The following SDK2 variants were observed in gnomAD, a reference collection of about 807,000 sequenced individuals.
SDK2 encodes sidekick cell adhesion molecule 2, also known as protein sidekick-2.
In SDK2, 105 loss-of-function variants were observed where a neutral mutation model predicts 253.9. The observed-to-expected ratio is 0.41, with a 90% CI of 0.35 to 0.49. The LOEUF is 0.49. Ranked by LOEUF, SDK2 falls within the 20% of genes least tolerant of loss-of-function variation. The pLI is 0.06. For missense variants in SDK2, 2,608 were observed against 3,003.0 expected (o/e 0.87, Z 3.07); for synonymous variants, 1,249 against 1,234.9 (o/e 1.01, Z -0.24).
chr17:73,358,214 G>C lies in SDK2; in HGVS notation c.5468-10C>G, dbSNP rs1568364459. The C allele has an allele frequency of 1.9e-6, 3 of 1,591,970 alleles. No homozygotes were observed. The highest frequency in any genetic ancestry group is 2.6e-6 in the Non-Finnish European group (3 of 1,173,834). On this transcript the variant is annotated splice_polypyrimidine_tract_variant and intron_variant, in intron 39 of 44. Coordinates refer to ENST00000392650, the MANE Select transcript of SDK2 (RefSeq NM_001144952.2). ...GGCGGTCCTGGGGCACCTGCAGACA[G>C]CACACAGAGGCGAGGGATGTATGGA... is the stretch of plus-strand genomic sequence containing the variant.
Position 73,411,404 on chromosome 17 carries a change from C to T in SDK2, c.2484+3240G>A, listed in dbSNP as rs146213946. On this transcript the variant is annotated intron_variant, in intron 18 of 44. Coordinates refer to ENST00000392650, the MANE Select transcript of SDK2 (RefSeq NM_001144952.2). ...CAGTGCAGAGGGGTGCAGGAACCTT[C>T]GGGATGTGTCAGTGGTCACCTCGAG... 5.9e-4 allele frequency among the ~76,000 whole-genome samples: 90 copies of T among 152,260 alleles called. 1 individual carries two copies. The East Asian group carries it at 0.015, about 26-fold the overall frequency.
At position 73,618,888 on chromosome 17, in the gene SDK2, TG is replaced by T. The variant is rs1325929363; in HGVS notation, c.64+25136del. ...ACACCAAAAAAGCAACTATTAGGGC[TG>T]GGTGTGGTGGCTCATGCCTGTAATC... On this transcript the variant is annotated intron_variant, in intron 1 of 44. Coordinates refer to ENST00000392650, the MANE Select transcript of SDK2 (RefSeq NM_001144952.2). The surrounding 1 kb of genome is among the most constrained non-coding windows in gnomAD (Gnocchi z 4.1). Among the ~76,000 whole-genome samples, 2 of 151,948 alleles carry T rather than the reference TG, an allele frequency of 1.3e-5. No individual in the cohort carries two copies. Among genetic ancestry groups the T allele is most frequent in the Non-Finnish European group, 2.9e-5 (2 of 67,954 alleles).
At chr17:73,583,688 A>G (rs1253855554) in intron 1 of SDK2, among the ~76,000 whole-genome samples, 1 of 118,762 alleles carries the variant, frequency 8.4e-6, no homozygotes, top group Admixed American at 8.1e-5. Context: ...TGGAGGGAAG[A>G]TGCAGGGCCA....
intron 1 of SDK2, among the ~76,000 whole-genome samples, chr17:73,548,077 C>T (rs780757765): frequency 2.6e-5 from 4 of 152,218 alleles, no homozygotes; most frequent in Non-Finnish European, 5.9e-5. Flanking sequence ...AATCACCTCC[C>T]ACCAGGCCCC....
chr17:73,491,680 T>C (rs1346633311), intron 2 of SDK2, among the ~76,000 whole-genome samples: 1 of 152,242 alleles, frequency 6.6e-6, no homozygotes, highest in Non-Finnish European at 1.5e-5. Context: ...CCAGATTCAA[T>C]CCCACCAGCT....
chr17:73,379,502 CG>C lies in SDK2; in HGVS notation c.4809del (p.Asn1603LysfsTer40). 1 of 1,612,522 alleles carries C rather than the reference CG, an allele frequency of 6.2e-7. No homozygotes were observed. Among genetic ancestry groups the C allele is most frequent in the Non-Finnish European group, 8.5e-7 (1 of 1,179,356 alleles). The part of the protein sequence containing the change: ...RRYEIRMSVY[N>X]AVGEGPSSPP... ...GGGCTGGAGGGCCCCTCACCCACAG[CG>C]TTGTACACGCTCATCCGTATCTCGT... On this transcript the variant is annotated frameshift_variant, in exon 35 of 45. Coordinates refer to ENST00000392650, the MANE Select transcript of SDK2 (RefSeq NM_001144952.2). LOFTEE classifies it high-confidence loss of function. The surrounding 1 kb of genome is among the most constrained non-coding windows in gnomAD (Gnocchi z 4.5).
chr17:73,525,585 C>T (rs180845647), intron 1 of SDK2, among the ~76,000 whole-genome samples: 9 of 152,234 alleles, frequency 5.9e-5, no homozygotes, highest in South Asian at 2.1e-4. Context: ...CTGTGGGAGG[C>T]GGCGAGGTGG....
intron 1 of SDK2, among the ~76,000 whole-genome samples, chr17:73,514,439 G>A (rs1012857972): frequency 1.3e-5 from 2 of 152,164 alleles, no homozygotes; most frequent in Non-Finnish European, 2.9e-5. Flanking sequence ...GCAAAATAAT[G>A]TCATCTTTCT....
chr17:73,523,855 C>T (rs757453760), intron 1 of SDK2, among the ~76,000 whole-genome samples: 4 of 152,072 alleles, frequency 2.6e-5, no homozygotes, highest in Non-Finnish European at 5.9e-5. Flanking sequence ...AGAAGCGAGC[C>T]CCCTCTTGTA....
At position 73,361,604 on chromosome 17, in the gene SDK2, C is replaced by G. The variant is rs1027822070; in HGVS notation, c.5467+80G>C. The G allele has an allele frequency of 1.1e-4, 162 of 1,452,156 alleles. 1 individual carries two copies. Among genetic ancestry groups the G allele is most frequent in the Non-Finnish European group, 1.4e-4 (147 of 1,052,102 alleles). 90.0% of individuals were successfully genotyped at this position (1,452,156 alleles called of 1,614,324 possible). A position where few individuals can be genotyped will look rare whatever the true frequency, so the allele number is the denominator to read the frequency against. On this transcript the variant is annotated intron_variant, in intron 39 of 44. Transcript: ENST00000392650. The surrounding 1 kb of genome is among the most constrained non-coding windows in gnomAD (Gnocchi z 4.1). ...ACTCTGTTTCCAGGGTCCAGCACAG[C>G]TCTTGACACCGGGGGCCCCTTCTGA...
At chr17:73,392,484 G>A (rs1207042571) in intron 27 of SDK2, among the ~76,000 whole-genome samples, 1 of 152,050 alleles carries the variant, frequency 6.6e-6, no homozygotes, top group African/African-American at 2.4e-5. Flanking sequence ...GGCCAGGCTG[G>A]TCTTGAACTC....
intron 18 of SDK2, among the ~76,000 whole-genome samples, chr17:73,407,733 G>A (rs143991590): frequency 2.8e-3 from 423 of 152,196 alleles, no homozygotes; most frequent in Non-Finnish European, 5.2e-3. Flanking sequence ...CACCATGCCC[G>A]GCCAGAACCA....
At chr17:73,626,915 C>T (rs954664325) in intron 1 of SDK2, among the ~76,000 whole-genome samples, 2 of 152,158 alleles carry the variant, frequency 1.3e-5, no homozygotes, top group African/African-American at 2.4e-5. Flanking sequence ...CCTTGGGTAG[C>T]GTCTTCACCC....
intron 2 of SDK2, among the ~76,000 whole-genome samples, chr17:73,489,736 T>C (rs565694463): frequency 2.1e-4 from 32 of 152,318 alleles, no homozygotes; most frequent in African/African-American, 7.7e-4. Flanking sequence ...GCATTGACCC[T>C]CTATATCTGC....
rs148405579 is a variant in SDK2 at position 73,568,224 on chromosome 17, C to T, written c.65-60627G>A. Among the ~76,000 whole-genome samples the T allele has an allele frequency of 2.8e-4, 42 of 152,292 alleles. No homozygotes were observed. The East Asian group carries it at 7.5e-3, about 27-fold the overall frequency. On this transcript the variant is annotated intron_variant, in intron 1 of 44. Transcript: ENST00000392650. The stretch of plus-strand genomic sequence containing the variant: ...GAGCTGGTTGTTTAAAGGAGGCTGG[C>T]ACCTTCTCCCCCTCTCTCTTGCACC...
chr17:73,533,453 G>C (rs1452212764), intron 1 of SDK2, among the ~76,000 whole-genome samples: 5 of 152,204 alleles, frequency 3.3e-5, no homozygotes, highest in African/African-American at 9.7e-5. Flanking sequence ...CCCAGCAAGA[G>C]TGCAAACAGT....
In SDK2 at chr17:73,457,272, T is replaced by G. The variant is rs866862021; in HGVS notation, c.332-1219A>C. On this transcript the variant is annotated intron_variant, in intron 3 of 44. Coordinates refer to ENST00000392650, the MANE Select transcript of SDK2 (RefSeq NM_001144952.2). ...CTTCCTTCCTTCCTTCCTTCCTTCC[T>G]TCCTTCCTTCCTTCCCCCCTCCCTC... Among the ~76,000 whole-genome samples, 2 of 45,664 alleles carry G rather than the reference T, an allele frequency of 4.4e-5. 1 individual carries two copies. The highest frequency in any genetic ancestry group is 2.6e-4 in the African/African-American group (2 of 7,816). 30.0% of individuals were successfully genotyped at this position (45,664 alleles called of 152,430 possible).
intron 1 of SDK2, among the ~76,000 whole-genome samples, chr17:73,540,089 G>A (rs12947754): frequency 2.2e-4 from 33 of 151,466 alleles, no homozygotes; most frequent in African/African-American, 7.8e-4. Context: ...GCAGCTGTGA[G>A]CCACGGTACC....
At chr17:73,622,926 C>G (rs1015299932) in intron 1 of SDK2, among the ~76,000 whole-genome samples, 1 of 152,192 alleles carries the variant, frequency 6.6e-6, no homozygotes, top group Non-Finnish European at 1.5e-5. Flanking sequence ...GGGGGCCCAG[C>G]CCTCCCCTTC....
Sources: gnomAD v4.1 joint callset for allele counts (sites outside exome capture counted in the v4.1 genomes callset) on GRCh38, gnomAD v4.1.1 for gene constraint, Gnocchi (gnomAD v3.1) non-coding constraint, MANE v1.5 for transcripts, NCBI Gene and HGNC (gene_info 2026-07-23, HGNC 2026-07-21) for gene names.